The following OPN1LW variants were observed in gnomAD, a reference collection of about 807,000 sequenced individuals.
OPN1LW encodes the protein opsin 1, long wave sensitive.
In OPN1LW, 4 loss-of-function variants were observed where a neutral mutation model predicts 18.1. That is an observed-to-expected ratio of 0.22 (90% CI 0.11 to 0.51). The LOEUF (loss-of-function observed/expected upper bound fraction) is 0.51, where lower values mean the gene tolerates loss of function less well. OPN1LW is among the 20% of genes least tolerant of loss of function. The pLI is 0.97. For missense variants in OPN1LW, 164 were observed against 234.9 expected (o/e 0.70, Z 1.97); for synonymous variants, 86 against 101.2 (o/e 0.85, Z 0.90).
intron 1 of OPN1LW, among the ~76,000 whole-genome samples, chrX:154,149,385 G>A (rs1376111569): frequency 1.0e-5 from 1 of 99,335 alleles, no homozygotes; most frequent in Non-Finnish European, 1.9e-5. Flanking sequence ...AAAATTAGCT[G>A]GGTGTGGTGG....
In OPN1LW at chrX:154,144,374, A is replaced by T; in HGVS notation, c.91A>T (p.Thr31Ser). Residue 31 changes from threonine to serine, a missense_variant, in exon 1 of 6, where the codon ACC becomes TCC. Physicochemically the swap from Thr to Ser is moderately conservative, Grantham distance 58. This residue lies in a region of OPN1LW where 106 missense variants were observed against 167.7 expected (regional missense o/e 0.63). Transcript: ENST00000369951. The part of the protein sequence containing the change: ...DSTQSSIFTY[T>S]NSNSTRGPFE... ...CACCCAGTCCAGCATCTTCACCTAC[A>T]CCAACAGCAACTCCACCAGAGGTGA... 8.6e-7 allele frequency: 1 copy of T among 1,166,722 alleles called. No individual in the cohort carries two copies.
chrX:154,144,659 T>C (rs1156926571), intron 1 of OPN1LW, among the ~76,000 whole-genome samples: 1 of 2,108 alleles, frequency 4.7e-4, no homozygotes, highest in African/African-American at 2.2e-3. Context: ...GCTCTTTCTT[T>C]GTGGCCCGTA....
Position 154,144,279 on chromosome X carries a change from T to C in OPN1LW, c.-5T>C. 8.3e-7 allele frequency: 1 copy of C among 1,207,330 alleles called. No homozygotes were observed. Among genetic ancestry groups the C allele is most frequent in the Non-Finnish European group, 1.1e-6 (1 of 894,178 alleles). On this transcript the variant is annotated 5_prime_UTR_variant, in exon 1 of 6. Transcript: ENST00000369951. Reference sequence around the variant, plus strand: ...CTGCCGTCGGGGACAGGGCTTTCCATAGCCATGGCCCAGCAGTGGAGCCTC... The same window carrying C: ...CTGCCGTCGGGGACAGGGCTTTCCACAGCCATGGCCCAGCAGTGGAGCCTC...
chrX:154,157,070 A>AG (rs1431467662), intron 5 of OPN1LW, among the ~76,000 whole-genome samples: 29 of 43,645 alleles, frequency 6.6e-4, no homozygotes, highest in African/African-American at 2.0e-3. Context: ...GGGTTAGTTC[A>AG]GGGGGGACGT....
intron 3 of OPN1LW, among the ~76,000 whole-genome samples, chrX:154,154,147 G>A (rs1250226951): frequency 1.0e-5 from 1 of 95,577 alleles, no homozygotes; most frequent in South Asian, 4.2e-4. Flanking sequence ...TTTATTTTTT[G>A]TAGAGACAAG....
intron 1 of OPN1LW, among the ~76,000 whole-genome samples, chrX:154,148,155 A>C (rs2067061720): frequency 9.8e-6 from 1 of 102,371 alleles, no homozygotes; most frequent in Admixed American, 1.0e-4. Context: ...GCTTGAGCCC[A>C]GGAGGATCGC....
At chrX:154,149,316 T>A (rs180764391) in intron 1 of OPN1LW, among the ~76,000 whole-genome samples, 2 of 102,911 alleles carry the variant, frequency 1.9e-5, no homozygotes, top group East Asian at 5.7e-4. Flanking sequence ...TCTCTTGAGG[T>A]CAGGAGTTTG....
At chrX:154,150,980 G>C in intron 2 of OPN1LW, 28 bp downstream of exon 2, 1 of 1,178,502 alleles carries the variant, frequency 8.5e-7, no homozygotes, top group Non-Finnish European at 1.1e-6. Flanking sequence ...CAGGCTCGGC[G>C]GAAACCACTC....
At chrX:154,149,199 C>T (rs1164105110) in intron 1 of OPN1LW, among the ~76,000 whole-genome samples, 9 of 84,963 alleles carry the variant, frequency 1.1e-4, no homozygotes, top group East Asian at 6.9e-4. Flanking sequence ...AGCAAGACTC[C>T]GTCTCAAAAA....
Position 154,150,752 on chromosome X carries a change from C to A in OPN1LW, c.209C>A (p.Thr70Lys). Residue 70 changes from threonine (T) to lysine (K), a missense_variant, in exon 2 of 6, where the codon ACA becomes AAA. Physicochemically the swap from Thr to Lys is moderately conservative, Grantham distance 78 (BLOSUM62 -1). This residue lies in a region of OPN1LW where 106 missense variants were observed against 167.7 expected (regional missense o/e 0.63). Transcript: ENST00000369951. ...TTTGTGGTCACTGCATCCGTCTTCA[C>A]AAATGGGCTTGTGCTGGCGGCCACC... ...MIFVVTASVF[T>K]NGLVLAATMK... 2 of 1,202,965 alleles carry A rather than the reference C, an allele frequency of 1.7e-6. No homozygotes were observed. Among genetic ancestry groups the A allele is most frequent in the Non-Finnish European group, 2.2e-6 (2 of 891,367 alleles).
intron 1 of OPN1LW, among the ~76,000 whole-genome samples, chrX:154,149,046 A>G (rs2067065105): frequency 9.7e-6 from 1 of 102,830 alleles, no homozygotes; most frequent in Non-Finnish European, 1.9e-5. Flanking sequence ...TCTACTAAAA[A>G]TAGAAAAAAT....
chrX:154,149,613 T>G (rs781914502), intron 1 of OPN1LW, among the ~76,000 whole-genome samples: 3,529 of 78,380 alleles, frequency 0.045, 125 homozygotes, highest in Middle Eastern at 0.11. Flanking sequence ...AATGATAAAT[T>G]TATTTCTCAC....
At position 154,150,773 on chromosome X, in the gene OPN1LW, C is replaced by A; in HGVS notation, c.230C>A (p.Ala77Asp). 2.5e-6 allele frequency: 3 copies of A among 1,202,664 alleles called. No homozygotes were observed. The highest frequency in any genetic ancestry group is 3.4e-6 in the Non-Finnish European group (3 of 891,312). Reference protein sequence around the residue: ...SVFTNGLVLAATMKFKKLRHP... With the variant: ...SVFTNGLVLADTMKFKKLRHP... ...TTCACAAATGGGCTTGTGCTGGCGGCCACCATGAAGTTCAAGAAGCTGCGC... is the reference window on the plus strand; with the variant it reads ...TTCACAAATGGGCTTGTGCTGGCGGACACCATGAAGTTCAAGAAGCTGCGC... The change falls in exon 2 of 6, where the codon GCC (alanine) becomes GAC (aspartate). Residue 77 changes from alanine to aspartate, a missense_variant. By Grantham distance (126) the Ala-to-Asp change is moderately radical. Transcript: ENST00000369951.
rs782337911 is a variant in OPN1LW, at chrX:154,150,830, C to T, written c.287C>T (p.Ala96Val). 6.3e-5 allele frequency: 75 copies of T among 1,197,685 alleles called. No individual in the cohort carries two copies. The highest frequency in any genetic ancestry group is 7.9e-5 in the Non-Finnish European group (70 of 889,366). ...CTGAACTGGATCCTGGTGAACCTGG[C>T]GGTCGCTGACCTAGCAGAGACCGTC... Reference protein sequence around the residue: ...HPLNWILVNLAVADLAETVIA... With the variant: ...HPLNWILVNLVVADLAETVIA... The change falls in exon 2 of 6, where the codon GCG (alanine) becomes GTG (valine). Residue 96 changes from alanine to valine, a missense_variant. Ala to Val is a moderately conservative substitution (Grantham distance 64). Transcript: ENST00000369951.
At chrX:154,148,185 G>A (rs1557157125) in intron 1 of OPN1LW, among the ~76,000 whole-genome samples, 2 of 103,389 alleles carry the variant, frequency 1.9e-5, no homozygotes, top group East Asian at 2.8e-4. Flanking sequence ...GGAGTTCCAC[G>A]TTGCAGTGAG....
rs782139168 is a variant in OPN1LW at position 154,144,261 on chromosome X, C to T, written c.-23C>T. The T allele has an allele frequency of 1.2e-5, 14 of 1,207,757 alleles. No homozygotes were observed. The highest frequency in any genetic ancestry group is 6.5e-5 in the Admixed American group (3 of 45,867). The stretch of plus-strand genomic sequence containing the variant: ...GTGATGCGCCAGGGCCGGCTGCCGT[C>T]GGGGACAGGGCTTTCCATAGCCATG... On this transcript the variant is annotated 5_prime_UTR_variant, in exon 1 of 6. Coordinates refer to ENST00000369951, the MANE Select transcript of OPN1LW (RefSeq NM_020061.6).
At chrX:154,156,706 C>G (rs1185192983) in intron 5 of OPN1LW, among the ~76,000 whole-genome samples, 173 bp downstream of exon 5, 1 of 104,960 alleles carries the variant, frequency 9.5e-6, no homozygotes, top group Middle Eastern at 4.7e-3. Context: ...AGCCAGAGCT[C>G]CAGCTGGCCC....
At position 154,151,030 on chromosome X, in the gene OPN1LW, G is replaced by A. The variant is rs782124203; in HGVS notation, c.409+78G>A. The stretch of plus-strand genomic sequence containing the variant: ...CTCCTCCAGCCACCTCATGATGATC[G>A]GGGCCCAGCTGCTCCTGTAGGCCTG... On this transcript the variant is annotated intron_variant, in intron 2 of 5. Transcript: ENST00000369951. 80 of 1,160,751 alleles carry A rather than the reference G, an allele frequency of 6.9e-5. 2 individuals carry two copies. The highest frequency in any genetic ancestry group is 1.1e-4 in the African/African-American group (5 of 44,467).
chrX:154,149,456 C>T lies in OPN1LW; in HGVS notation c.113-1200C>T, dbSNP rs1160083055. On this transcript the variant is annotated intron_variant, in intron 1 of 5. Coordinates refer to ENST00000369951, the MANE Select transcript of OPN1LW (RefSeq NM_020061.6). ...CTGAGGCAGGAGAATTGCTTGAACC[C>T]AGGAGGCGGAGGTTGCAGTGACCCG... 2.1e-5 allele frequency among the ~76,000 whole-genome samples: 2 copies of T among 94,450 alleles called. 1 individual carries two copies. The highest frequency in any genetic ancestry group is 4.0e-5 in the Non-Finnish European group (2 of 50,141). 82.0% of individuals were successfully genotyped at this position (94,450 alleles called of 115,157 possible).
Sources: gnomAD v4.1 joint callset for allele counts (sites outside exome capture counted in the v4.1 genomes callset) on GRCh38, gnomAD v4.1.1 for gene constraint, gnomAD v4.1.1 regional missense constraint, MANE v1.5 for transcripts, NCBI Gene and HGNC (gene_info 2026-07-23, HGNC 2026-07-21) for gene names.